CARMIL1: variants seen among roughly 807,000 people sequenced by gnomAD.
CARMIL1 encodes capping protein regulator and myosin 1 linker 1.
In CARMIL1, 90 loss-of-function variants were observed where a neutral mutation model predicts 177.1. The observed-to-expected ratio is 0.51, with a 90% CI of 0.43 to 0.61. The LOEUF (loss-of-function observed/expected upper bound fraction) is 0.61. Among genes scored for constraint, CARMIL1 ranks in the 20% least tolerant of loss-of-function variants. The probability of loss-of-function intolerance (pLI) is 0.00; values close to 1 mark genes in which losing one functional copy is unlikely to be tolerated. For synonymous variants in CARMIL1, 577 were observed against 606.2 expected, an observed-to-expected ratio of 0.95 and a Z score of 0.71; for missense variants, 1,380 against 1,667.0, an observed-to-expected ratio of 0.83 and a Z score of 3.00.
chr6:25,321,990 C>G (rs969448227), intron 2 of CARMIL1, among the ~76,000 whole-genome samples: 1 of 151,944 alleles, frequency 6.6e-6, no homozygotes, highest in Non-Finnish European at 1.5e-5. Context: ...GACCAGGTCA[C>G]GCTGTGTTGC....
At chr6:25,607,314 C>T (rs796975244) in intron 35 of CARMIL1, among the ~76,000 whole-genome samples, 2 of 152,050 alleles carry the variant, frequency 1.3e-5, no homozygotes, top group South Asian at 2.1e-4. Flanking sequence ...TTCACCTCTT[C>T]CCCTTGTTCT....
At chr6:25,365,740 G>C (rs1040536481) in intron 2 of CARMIL1, among the ~76,000 whole-genome samples, 1 of 152,038 alleles carries the variant, frequency 6.6e-6, no homozygotes, top group Non-Finnish European at 1.5e-5. Context: ...TAGTAGAGAT[G>C]GGGTTTTGCC....
Position 25,528,906 on chromosome 6 carries a change from G to T in CARMIL1, c.2067+13G>T, listed in dbSNP as rs940799253. On this transcript the variant is annotated intron_variant, in intron 24 of 36. Transcript: ENST00000329474. Reference sequence around the variant, plus strand: ...CACCACCCAGCAGGTAAGCGAGCCAGTGCCTGTGACTTCTCCTTCTATTCT... The same window carrying T: ...CACCACCCAGCAGGTAAGCGAGCCATTGCCTGTGACTTCTCCTTCTATTCT... 6.3e-7 allele frequency: 1 copy of T among 1,594,200 alleles called. No homozygotes were observed. Among genetic ancestry groups the T allele is most frequent in the Non-Finnish European group, 8.6e-7 (1 of 1,168,044 alleles).
rs1347094810 is a variant in CARMIL1 at position 25,556,813 on chromosome 6, C to T, written c.2705C>T (p.Thr902Ile). The change falls in exon 29 of 37, where the codon ACA (threonine) becomes ATA (isoleucine). Residue 902 changes from threonine to isoleucine, a missense_variant. Coordinates refer to ENST00000329474, the MANE Select transcript of CARMIL1 (RefSeq NM_017640.6). ...KRSIITVEELTEIERLEDLDT... is the reference protein window; with the variant it reads ...KRSIITVEELIEIERLEDLDT... The stretch of plus-strand genomic sequence containing the variant: ...TCCATCATCACAGTGGAGGAGCTAA[C>T]AGAGATAGAGCGTTTGGAAGATCTG... The T allele has an allele frequency of 3.1e-6, 5 of 1,613,394 alleles. No individual in the cohort carries two copies. Among genetic ancestry groups the T allele is most frequent in the Non-Finnish European group, 4.2e-6 (5 of 1,179,622 alleles).
At chr6:25,507,375 G>T (rs1805015492) in intron 17 of CARMIL1, 1 of 152,300 alleles carries the variant, frequency 6.6e-6, no homozygotes, top group Admixed American at 6.6e-5. Context: ...CTGACTCTTT[G>T]CTTTTTTACA....
At position 25,472,458 on chromosome 6, in the gene CARMIL1, G is replaced by A; in HGVS notation, c.811G>A (p.Ala271Thr). The stretch of plus-strand genomic sequence containing the variant: ...TGCACAAAAACTGGCCAGTGCTCTA[G>A]CACATAATCCCAACTCAGGACTCCA... ...DFAQKLASAL[A>T]HNPNSGLHTI... The change falls in exon 11 of 37, where the codon GCA (alanine) becomes ACA (threonine). Residue 271 changes from alanine (A) to threonine (T), a missense_variant. Coordinates refer to ENST00000329474, the MANE Select transcript of CARMIL1 (RefSeq NM_017640.6). 6.3e-7 allele frequency: 1 copy of A among 1,581,994 alleles called. No individual in the cohort carries two copies. Among genetic ancestry groups the A allele is most frequent in the Non-Finnish European group, 8.6e-7 (1 of 1,163,172 alleles).
chr6:25,348,606 A>C (rs1787791585), intron 2 of CARMIL1, among the ~76,000 whole-genome samples: 1 of 150,292 alleles, frequency 6.7e-6, no homozygotes, highest in Non-Finnish European at 1.5e-5. Flanking sequence ...ACATGGTGAA[A>C]CCCCATCTCT....
intron 17 of CARMIL1, chr6:25,507,389 T>C (rs1431303319): frequency 6.6e-6 from 1 of 152,620 alleles, no homozygotes; most frequent in Non-Finnish European, 1.5e-5. Flanking sequence ...TTTTACATTT[T>C]GTATTGATAG....
chr6:25,539,944 C>T lies in CARMIL1; in HGVS notation c.2197-3C>T, dbSNP rs774389959. On this transcript the variant is annotated splice_polypyrimidine_tract_variant and splice_region_variant and intron_variant, in intron 25 of 36. Transcript: ENST00000329474. ...AAGAGGTTATTTTTTATTTCTCTTA[C>T]AGTTGTTACCAAATTTATACCATGT... is the stretch of plus-strand genomic sequence containing the variant. 5 of 1,570,568 alleles carry T rather than the reference C, an allele frequency of 3.2e-6. No homozygotes were observed. In the Admixed American group the frequency reaches 1.0e-4, roughly 32 times the overall value.
chr6:25,493,212 T>G (rs1025649439), intron 15 of CARMIL1, among the ~76,000 whole-genome samples: 2 of 152,248 alleles, frequency 1.3e-5, no homozygotes, highest in Non-Finnish European at 2.9e-5. Flanking sequence ...AGTAGAGCTG[T>G]TAAGCTTATA....
In CARMIL1 at chr6:25,491,935, A is replaced by G. The variant is rs376482375; in HGVS notation, c.1144-13A>G. 6.2e-7 allele frequency: 1 copy of G among 1,611,122 alleles called. No individual in the cohort carries two copies. The highest frequency in any genetic ancestry group is 8.5e-7 in the Non-Finnish European group (1 of 1,177,824). ...AAATACTTGAAAAGAAGAGTGCCTT[A>G]TTTCTTTTTCAGGTCTGTGGAGCTC... On this transcript the variant is annotated splice_polypyrimidine_tract_variant and intron_variant, in intron 14 of 36. Coordinates refer to ENST00000329474, the MANE Select transcript of CARMIL1 (RefSeq NM_017640.6).
intron 31 of CARMIL1, among the ~76,000 whole-genome samples, chr6:25,587,002 CAGAGGGAGAGGG>C (rs201749532): frequency 1.7e-5 from 2 of 116,174 alleles, no homozygotes; most frequent in Admixed American, 2.4e-4. Context: ...ACCGTGGAGA[CAGAGGGAGAGGG>C]AGAGGGAGAG....
intron 2 of CARMIL1, among the ~76,000 whole-genome samples, chr6:25,411,345 A>G (rs1045662543): frequency 6.6e-6 from 1 of 152,184 alleles, no homozygotes; most frequent in African/African-American, 2.4e-5. Context: ...GCCTCATGCT[A>G]AGAATTACCA....
intron 4 of CARMIL1, among the ~76,000 whole-genome samples, chr6:25,426,903 T>TA (rs1796323608): frequency 6.6e-6 from 1 of 152,200 alleles, no homozygotes; most frequent in African/African-American, 2.4e-5. Flanking sequence ...AATATAGTGA[T>TA]AAATGAATTT....
chr6:25,583,614 C>T (rs1347357858), intron 31 of CARMIL1, among the ~76,000 whole-genome samples: 5 of 152,192 alleles, frequency 3.3e-5, no homozygotes, highest in African/African-American at 4.8e-5. Context: ...CACTTTAGAT[C>T]AGGCTTTTGT....
At chr6:25,307,035 C>G (rs138823374) in intron 2 of CARMIL1, among the ~76,000 whole-genome samples, 2 of 152,010 alleles carry the variant, frequency 1.3e-5, no homozygotes, top group Non-Finnish European at 2.9e-5. Context: ...CCTGCCACCA[C>G]GCCTGGCTAA....
At chr6:25,372,398 G>A (rs1180247000) in intron 2 of CARMIL1, among the ~76,000 whole-genome samples, 3 of 151,224 alleles carry the variant, frequency 2.0e-5, no homozygotes, top group African/African-American at 7.3e-5. Context: ...TTTTCCATTT[G>A]TTTGTATTAT....
Position 25,326,804 on chromosome 6 carries a change from G to A in CARMIL1, c.138+41895G>A, listed in dbSNP as rs974287221. Among the ~76,000 whole-genome samples, 3 of 151,924 alleles carry A rather than the reference G, an allele frequency of 2.0e-5. No homozygotes were observed. Among genetic ancestry groups the A allele is most frequent in the African/African-American group, 7.3e-5 (3 of 41,242 alleles). The stretch of plus-strand genomic sequence containing the variant: ...GTATATGGGAGCTGAGGAAAAAGGA[G>A]AAATCAGAAATATTATTATTATTAT... On this transcript the variant is annotated intron_variant, in intron 2 of 36. Coordinates refer to ENST00000329474, the MANE Select transcript of CARMIL1 (RefSeq NM_017640.6). The surrounding 1 kb of genome is among the most constrained non-coding windows in gnomAD (Gnocchi z 4.2).
chr6:25,562,984 A>T (rs1811268928), intron 29 of CARMIL1, among the ~76,000 whole-genome samples: 1 of 152,244 alleles, frequency 6.6e-6, no homozygotes, highest in African/African-American at 2.4e-5. Context: ...CTGCAGATTT[A>T]TAAAACAGAA....
Sources: gnomAD v4.1 joint callset for allele counts (sites outside exome capture counted in the v4.1 genomes callset) on GRCh38, gnomAD v4.1.1 for gene constraint, Gnocchi (gnomAD v3.1) non-coding constraint, MANE v1.5 for transcripts, NCBI Gene and HGNC (gene_info 2026-07-23, HGNC 2026-07-21) for gene names.